Variants in ZNF423 observed in about 807,000 individuals in gnomAD.
ZNF423 encodes the protein Ebf-associated zinc finger protein.
A neutral mutation model predicts 95.8 loss-of-function variants in ZNF423; 12 were observed. The ratio of observed to expected loss-of-function variants is 0.13; its 90% CI spans 0.08 to 0.20. ZNF423 has a LOEUF of 0.20. Ranked by LOEUF, ZNF423 falls within the 10% of genes least tolerant of loss-of-function variation. The probability of loss-of-function intolerance (pLI) is 1.00; values close to 1 mark genes in which losing one functional copy is unlikely to be tolerated. For synonymous variants in ZNF423, 749 were observed against 711.9 expected, an observed-to-expected ratio of 1.05 and a Z score of -0.83; for missense variants, 1,316 against 1,737.1, an observed-to-expected ratio of 0.76 and a Z score of 4.31.
chr16:49,604,222 G>A (rs1179603224), intron 5 of ZNF423, among the ~76,000 whole-genome samples: 1 of 152,170 alleles, frequency 6.6e-6, no homozygotes, highest in Non-Finnish European at 1.5e-5. Context: ...AGCACCCACG[G>A]CCACTGACAT....
intron 7 of ZNF423, among the ~76,000 whole-genome samples, chr16:49,507,074 T>G (rs1238668070): frequency 1.3e-5 from 2 of 152,188 alleles, no homozygotes; most frequent in African/African-American, 2.4e-5. Context: ...AATTACTGTC[T>G]TTCTGACCCT....
At chr16:49,814,578 C>T (rs1014057749) in intron 1 of ZNF423, among the ~76,000 whole-genome samples, 16 of 152,078 alleles carry the variant, frequency 1.1e-4, no homozygotes, top group African/African-American at 3.4e-4. Flanking sequence ...ACAGGAAACA[C>T]GCTTGTTCCT....
chr16:49,513,630 T>G (rs1169265924), intron 7 of ZNF423, among the ~76,000 whole-genome samples: 1 of 129,520 alleles, frequency 7.7e-6, no homozygotes, highest in Non-Finnish European at 1.6e-5. Context: ...TTAACACATA[T>G]GGGGATGGAT....
intron 5 of ZNF423, among the ~76,000 whole-genome samples, chr16:49,540,244 C>A (rs1239488782): frequency 6.6e-6 from 1 of 152,188 alleles, no homozygotes; most frequent in Non-Finnish European, 1.5e-5. Flanking sequence ...CCAGTCACAG[C>A]AAAGACTGTG....
At chr16:49,814,377 C>T (rs974852973) in intron 1 of ZNF423, among the ~76,000 whole-genome samples, 29 of 151,900 alleles carry the variant, frequency 1.9e-4, no homozygotes, top group African/African-American at 6.8e-4. Context: ...GCAAGCAGGA[C>T]AGGGGTGGGC....
intron 2 of ZNF423, among the ~76,000 whole-genome samples, chr16:49,744,928 G>A (rs2033491146): frequency 6.6e-6 from 1 of 152,176 alleles, no homozygotes; most frequent in South Asian, 2.1e-4. Context: ...TTTATTAAAT[G>A]CTGCTAATTT....
chr16:49,572,771 C>A (rs1970391454), intron 5 of ZNF423, among the ~76,000 whole-genome samples: 1 of 152,106 alleles, frequency 6.6e-6, no homozygotes, highest in African/African-American at 2.4e-5. Context: ...GAACATGAGG[C>A]CTCCCACAGT....
intron 1 of ZNF423, among the ~76,000 whole-genome samples, chr16:49,797,070 A>G (rs1468514619): frequency 6.6e-6 from 1 of 152,038 alleles, no homozygotes; most frequent in Non-Finnish European, 1.5e-5. Flanking sequence ...GGGGCACGTG[A>G]CTGCCCCTCC....
chr16:49,578,237 T>C lies in ZNF423; in HGVS notation c.3601+47933A>G, dbSNP rs932706047. Among the ~76,000 whole-genome samples the C allele has an allele frequency of 7.2e-5, 11 of 152,224 alleles. 1 individual carries two copies. Among genetic ancestry groups the C allele is most frequent in the East Asian group, 5.8e-4 (3 of 5,160 alleles). ...GGACCCCCTTCAGCAACAAGCTCCC[T>C]CTCCCAATCCCAGAGGTGGCCTCTG... On this transcript the variant is annotated intron_variant, in intron 5 of 7. Coordinates refer to ENST00000563137, the MANE Select transcript of ZNF423 (RefSeq NM_001379286.1).
At chr16:49,763,029 G>A (rs1430088157) in intron 2 of ZNF423, among the ~76,000 whole-genome samples, 1 of 151,686 alleles carries the variant, frequency 6.6e-6, no homozygotes, top group Non-Finnish European at 1.5e-5. Context: ...CACCATGCCT[G>A]GCTAATTTCT....
rs1478690856 is a variant in ZNF423, at chr16:49,851,463, G to A, written c.40+4272C>T. On this transcript the variant is annotated intron_variant, in intron 1 of 7. Coordinates refer to ENST00000563137, the MANE Select transcript of ZNF423 (RefSeq NM_001379286.1). The stretch of plus-strand genomic sequence containing the variant: ...GCCACTAGCTTAAGAGTTGGCTACC[G>A]ATATAGCAATTATTGCAACTTTCTA... Among the ~76,000 whole-genome samples the A allele has an allele frequency of 2.6e-5, 4 of 152,190 alleles. 1 individual carries two copies. Among genetic ancestry groups the A allele is most frequent in the Admixed American group, 2.0e-4 (3 of 15,280 alleles).
In ZNF423 at chr16:49,840,335, G is replaced by C. The variant is rs117021076; in HGVS notation, c.40+15400C>G. Among the ~76,000 whole-genome samples the C allele has an allele frequency of 5.4e-3, 821 of 152,146 alleles. 6 individuals carry two copies. Among genetic ancestry groups the C allele is most frequent in the African/African-American group, 1.0e-2 (413 of 41,502 alleles). ...GCGACAGAAAACTTTTCTCTTTTTG[G>C]GGGGGTGGAACATCAACAAAATCCT... is the stretch of plus-strand genomic sequence containing the variant. On this transcript the variant is annotated intron_variant, in intron 1 of 7. Transcript: ENST00000563137.
intron 7 of ZNF423, among the ~76,000 whole-genome samples, chr16:49,515,776 G>A (rs1968108707): frequency 6.6e-6 from 1 of 152,220 alleles, no homozygotes; most frequent in Non-Finnish European, 1.5e-5. Context: ...TGAGGATGAA[G>A]AACAGGAAGC....
intron 1 of ZNF423, chr16:49,847,148 G>C (rs1345762752): frequency 1.3e-5 from 2 of 152,268 alleles, no homozygotes; most frequent in Non-Finnish European, 2.9e-5. Flanking sequence ...CAATTACAGA[G>C]AAAACAGGGG....
chr16:49,635,641 T>C lies in ZNF423; in HGVS notation c.3516+19A>G, dbSNP rs1972661505. The C allele has an allele frequency of 6.5e-7, 1 of 1,532,224 alleles. No individual in the cohort carries two copies. Among genetic ancestry groups the C allele is most frequent in the Admixed American group, 2.1e-5 (1 of 46,574 alleles). The allele number at this position is 1,532,224 out of a possible 1,614,324, so 94.9% of individuals were successfully genotyped here. A position where few individuals can be genotyped will look rare whatever the true frequency, so the allele number is the denominator to read the frequency against. ...CCAAGGAGAGGAGCAGGGAGCAGGA[T>C]GAGGTGGACTGCACTTACCCGGGGC... On this transcript the variant is annotated intron_variant, in intron 4 of 7. Transcript: ENST00000563137. The surrounding 1 kb of genome is among the most constrained non-coding windows in gnomAD (Gnocchi z 4.8).
At chr16:49,521,778 C>A (rs1385962847) in intron 7 of ZNF423, among the ~76,000 whole-genome samples, 1 of 152,210 alleles carries the variant, frequency 6.6e-6, no homozygotes, top group African/African-American at 2.4e-5. Context: ...CTCCTCGGGG[C>A]CAGCCCTGAG....
At chr16:49,551,049 C>T (rs1969614405) in intron 5 of ZNF423, among the ~76,000 whole-genome samples, 1 of 152,238 alleles carries the variant, frequency 6.6e-6, no homozygotes, top group South Asian at 2.1e-4. Context: ...TCTCTCCCCA[C>T]TCTCCCTTAT....
At chr16:49,641,295 C>A (rs1224164055) in intron 3 of ZNF423, among the ~76,000 whole-genome samples, 1 of 152,200 alleles carries the variant, frequency 6.6e-6, no homozygotes. Context: ...GGGGGCCAAA[C>A]AGTCAAATAA....
intron 3 of ZNF423, among the ~76,000 whole-genome samples, chr16:49,689,105 C>T (rs1474630344): frequency 6.6e-6 from 1 of 152,092 alleles, no homozygotes; most frequent in African/African-American, 2.4e-5. Context: ...TGTGTTGATT[C>T]ATGTGTTTAC....
Sources: gnomAD v4.1 joint callset for allele counts (sites outside exome capture counted in the v4.1 genomes callset) on GRCh38, gnomAD v4.1.1 for gene constraint, Gnocchi (gnomAD v3.1) non-coding constraint, MANE v1.5 for transcripts, NCBI Gene and HGNC (gene_info 2026-07-23, HGNC 2026-07-21) for gene names.